Variants in SLC2A9 observed in about 807,000 individuals in gnomAD.
SLC2A9 encodes solute carrier family 2, facilitated glucose transporter member 9.
Under a neutral mutation model 50.6 loss-of-function variants are expected in SLC2A9, and 39 were observed. The ratio of observed to expected loss-of-function variants is 0.77; its 90% CI spans 0.60 to 1.01. SLC2A9 has a LOEUF of 1.01. SLC2A9 is among the 50% of genes least tolerant of loss of function. SLC2A9 has a pLI of 0.00. For missense variants in SLC2A9, 686 were observed against 677.6 expected (o/e 1.01, Z -0.14); for synonymous variants, 324 against 276.9 (o/e 1.17, Z -1.69).
At chr4:9,813,107 T>C (rs1184208797) in intron 3 of SLC2A9, among the ~76,000 whole-genome samples, 1 of 152,182 alleles carries the variant, frequency 6.6e-6, no homozygotes. Context: ...CCTCAGCACT[T>C]ATTCAAGTAA....
intron 2 of SLC2A9, among the ~76,000 whole-genome samples, chr4:10,018,543 AGAT>A (rs1460599480): frequency 6.9e-5 from 4 of 57,584 alleles, no homozygotes; most frequent in African/African-American, 9.5e-5. Flanking sequence ...TCCATCTCAA[AGAT>A]GATAGATAGA....
chr4:9,845,487 T>C (rs974647266), intron 10 of SLC2A9, among the ~76,000 whole-genome samples: 11 of 140,022 alleles, frequency 7.9e-5, no homozygotes, highest in African/African-American at 3.1e-4. Flanking sequence ...TGGAGTGCAG[T>C]GGCGCGATCT....
chr4:9,892,662 C>T (rs942316665), intron 8 of SLC2A9, among the ~76,000 whole-genome samples: 2 of 152,188 alleles, frequency 1.3e-5, no homozygotes, highest in African/African-American at 2.4e-5. Context: ...AGCGAAAGAA[C>T]TCACAATGCC....
rs775899015 is a variant in SLC2A9 at position 9,887,609 on chromosome 4, C to T, written c.1249G>A (p.Val417Met). The T allele has an allele frequency of 8.9e-6, 14 of 1,566,612 alleles. No individual in the cohort carries two copies. The highest frequency in any genetic ancestry group is 8.1e-5 in the African/African-American group (6 of 73,794). ...GAGGCGATGATGGCCAGAATGCCCA[C>T]GATACTCAGGTAGGGGACCCAGGGG... ...HAPWVPYLSI[V>M]GILAIIASFC... The change falls in exon 10 of 12, where the codon GTG becomes ATG. Residue 417 changes from valine to methionine, a missense_variant. By Grantham distance (21) the Val-to-Met change is conservative (BLOSUM62 1). Transcript: ENST00000264784.
At chr4:9,839,427 C>T (rs1371507481) in intron 10 of SLC2A9, among the ~76,000 whole-genome samples, 2 of 151,996 alleles carry the variant, frequency 1.3e-5, no homozygotes, top group South Asian at 2.1e-4. Flanking sequence ...ACAGTGTGGC[C>T]GTTCCTCAAA....
At chr4:9,866,640 T>A (rs1732518323) in intron 10 of SLC2A9, among the ~76,000 whole-genome samples, 1 of 151,972 alleles carries the variant, frequency 6.6e-6, no homozygotes, top group Admixed American at 6.6e-5. Context: ...AAATGGCACA[T>A]CCATGGATAC....
At chr4:9,855,099 G>T (rs1730528774) in intron 10 of SLC2A9, among the ~76,000 whole-genome samples, 1 of 152,290 alleles carries the variant, frequency 6.6e-6, no homozygotes, top group East Asian at 1.9e-4. Context: ...AGTACTGGAA[G>T]TCCCAACTGG....
chr4:9,906,027 C>T (rs1410579413), intron 8 of SLC2A9, among the ~76,000 whole-genome samples: 1 of 152,224 alleles, frequency 6.6e-6, no homozygotes, highest in African/African-American at 2.4e-5. Flanking sequence ...TAAAATCACA[C>T]ATTATGGAAA....
At position 9,949,495 on chromosome 4, in the gene SLC2A9, A is replaced by G. The variant is rs75699431; in HGVS notation, c.682-7450T>C. ...AGTATTATTATAATTTCTAGTCCAT[A>G]GAAGAGAAAATGTAGACCTGTAAAG... On this transcript the variant is annotated intron_variant, in intron 5 of 11. Transcript: ENST00000264784. 9.5e-3 allele frequency among the ~76,000 whole-genome samples: 1,452 copies of G among 152,318 alleles called. 25 individuals carry two copies. The highest frequency in any genetic ancestry group is 0.034 in the African/African-American group (1,395 of 41,562).
intron 3 of SLC2A9, among the ~76,000 whole-genome samples, chr4:9,817,866 G>T (rs1723828462): frequency 6.6e-6 from 1 of 152,166 alleles, no homozygotes; most frequent in Admixed American, 6.5e-5. Flanking sequence ...AATCCCTGCT[G>T]CCAGAGGCCA....
chr4:9,804,085 C>A (rs934109317), intron 3 of SLC2A9, among the ~76,000 whole-genome samples: 1 of 152,150 alleles, frequency 6.6e-6, no homozygotes, highest in South Asian at 2.1e-4. Context: ...TCAAGAAGTT[C>A]ATAGTTATAA....
At chr4:9,773,992 C>CT (rs34429694) in intron 1 of SLC2A9, among the ~76,000 whole-genome samples, 95,149 of 139,690 alleles carry the variant, frequency 0.68, 33,853 homozygotes, top group Non-Finnish European at 0.79. Flanking sequence ...GAAACTCAGT[C>CT]TTTTTTTTTT....
intron 10 of SLC2A9, among the ~76,000 whole-genome samples, chr4:9,850,204 G>A (rs910837155): frequency 6.6e-5 from 10 of 152,084 alleles, no homozygotes; most frequent in African/African-American, 2.2e-4. Flanking sequence ...GGAATGGCCC[G>A]CTCTCACCAT....
chr4:9,935,745 T>C (rs531395278), intron 6 of SLC2A9, among the ~76,000 whole-genome samples: 1 of 152,290 alleles, frequency 6.6e-6, no homozygotes, highest in South Asian at 2.1e-4. Context: ...GAACATATGC[T>C]CCCAGCACCG....
chr4:9,996,950 A>G lies in SLC2A9; in HGVS notation c.250-9T>C, dbSNP rs770788275. On this transcript the variant is annotated splice_polypyrimidine_tract_variant and intron_variant, in intron 2 of 11. Transcript: ENST00000264784. ...TAAAAGGCCTTGATGTACTGAAAAT[A>G]AACAACAAACCATGTTATTTCCTTC... 8.7e-6 allele frequency: 14 copies of G among 1,613,608 alleles called. No homozygotes were observed. In the African/African-American group the frequency reaches 1.5e-4, roughly 17 times the overall value.
intron 2 of SLC2A9, among the ~76,000 whole-genome samples, chr4:9,999,257 C>T (rs566245153): frequency 2.0e-5 from 3 of 151,950 alleles, no homozygotes; most frequent in South Asian, 2.1e-4. Flanking sequence ...AAGGAGGTCT[C>T]GCCATGTTCC....
chr4:9,890,630 T>C lies in SLC2A9; in HGVS notation c.1195A>G (p.Thr399Ala). 1 of 1,614,046 alleles carries C rather than the reference T, an allele frequency of 6.2e-7. No homozygotes were observed. Among genetic ancestry groups the C allele is most frequent in the Non-Finnish European group, 8.5e-7 (1 of 1,179,998 alleles). Reference sequence around the variant, plus strand: ...CTCACCTGCAGGGTCAGCGTGATGGTGAGGGTCCCAAAGAAGAGGCCCATG... The same window carrying C: ...CTCACCTGCAGGGTCAGCGTGATGGCGAGGGTCCCAAAGAAGAGGCCCATG... ...GLMGLFFGTLTITLTLQDHAP... is the reference protein window; with the variant it reads ...GLMGLFFGTLAITLTLQDHAP... The change falls in exon 9 of 12, where the codon ACC becomes GCC. Residue 399 changes from threonine to alanine, a missense_variant. Thr to Ala is a moderately conservative substitution (Grantham distance 58, BLOSUM62 0). Transcript: ENST00000264784.
intron 1 of SLC2A9, among the ~76,000 whole-genome samples, chr4:10,036,481 G>T (rs1170624079): frequency 6.6e-6 from 1 of 152,198 alleles, no homozygotes; most frequent in Admixed American, 6.5e-5. Flanking sequence ...CTGCTATTGG[G>T]TGTTTACGCT....
chr4:10,015,047 G>A (rs1446354439), intron 2 of SLC2A9, among the ~76,000 whole-genome samples: 1 of 152,214 alleles, frequency 6.6e-6, no homozygotes, highest in Non-Finnish European at 1.5e-5. Context: ...AACCCCGAGG[G>A]AGGGAGGGGT....
Sources: gnomAD v4.1 joint callset for allele counts (sites outside exome capture counted in the v4.1 genomes callset) on GRCh38, gnomAD v4.1.1 for gene constraint, MANE v1.5 for transcripts, NCBI Gene and HGNC (gene_info 2026-07-23, HGNC 2026-07-21) for gene names.